Variants in EBF3 observed in about 807,000 individuals in gnomAD.
EBF3 encodes the protein EBF transcription factor 3.
Under a neutral mutation model 77.1 loss-of-function variants are expected in EBF3, and 18 were observed. That is an observed-to-expected ratio of 0.23 (90% CI 0.16 to 0.35). The LOEUF (loss-of-function observed/expected upper bound fraction) is 0.35. EBF3 is among the 10% of genes least tolerant of loss of function. The pLI is 1.00. For synonymous variants in EBF3, 350 were observed against 343.5 expected, an observed-to-expected ratio of 1.02 and a Z score of -0.21; for missense variants, 558 against 860.0, an observed-to-expected ratio of 0.65 and a Z score of 4.39.
chr10:129,860,363 T>C (rs1475444849), intron 10 of EBF3, among the ~76,000 whole-genome samples: 3 of 152,096 alleles, frequency 2.0e-5, no homozygotes, highest in Non-Finnish European at 4.4e-5. Flanking sequence ...TCTGCCATCC[T>C]CAACCCAACA....
chr10:129,913,007 C>A (rs927871614), intron 6 of EBF3, among the ~76,000 whole-genome samples: 5 of 152,194 alleles, frequency 3.3e-5, no homozygotes, highest in Non-Finnish European at 5.9e-5. Flanking sequence ...GGGGGAAGAG[C>A]AGCACAACTC....
At chr10:129,925,101 TGTGC>T (rs1564894748) in intron 6 of EBF3, among the ~76,000 whole-genome samples, 1 of 134,322 alleles carries the variant, frequency 7.4e-6, no homozygotes, top group African/African-American at 2.7e-5. Context: ...TGTGTGTGTG[TGTGC>T]GTGTGTACGG....
chr10:129,963,401 C>T lies in EBF3; in HGVS notation c.257G>A (p.Arg86Lys). ...CTCCACAAAGTCCACAAAAGCGGTC[C>T]TTTCAATCTCCACCGGCTGCCCCTG... ...DRQGQPVEIERTAFVDFVEKE... is the reference protein window; with the variant it reads ...DRQGQPVEIEKTAFVDFVEKE... Residue 86 changes from arginine (R) to lysine (K), a missense_variant, in exon 2 of 17, where the codon AGG (arginine) becomes AAG (lysine). By Grantham distance (26) the Arg-to-Lys change is conservative (BLOSUM62 2). Transcript: ENST00000440978. The surrounding 1 kb of genome is among the most constrained non-coding windows in gnomAD (Gnocchi z 7.1). 6.3e-7 allele frequency: 1 copy of T among 1,590,874 alleles called. No homozygotes were observed. The highest frequency in any genetic ancestry group is 8.6e-7 in the Non-Finnish European group (1 of 1,168,702).
intron 10 of EBF3, among the ~76,000 whole-genome samples, chr10:129,849,451 T>C (rs1481935611): frequency 6.6e-6 from 1 of 152,204 alleles, no homozygotes; most frequent in Non-Finnish European, 1.5e-5. Flanking sequence ...CATCACTCAT[T>C]AGTAATTTGA....
chr10:129,934,404 G>A (rs187112402), intron 6 of EBF3, among the ~76,000 whole-genome samples: 2 of 152,216 alleles, frequency 1.3e-5, no homozygotes, highest in Admixed American at 1.3e-4. Flanking sequence ...TCTGTCCCTT[G>A]CACATAGTAG....
At chr10:129,854,864 C>T (rs978371571) in intron 10 of EBF3, among the ~76,000 whole-genome samples, 1 of 152,262 alleles carries the variant, frequency 6.6e-6, no homozygotes, top group African/African-American at 2.4e-5. Context: ...GCCTTGCAGC[C>T]TCCGCGTCGT....
chr10:129,941,212 G>A (rs1166247709), intron 6 of EBF3, among the ~76,000 whole-genome samples: 3 of 152,184 alleles, frequency 2.0e-5, no homozygotes, highest in Non-Finnish European at 4.4e-5. Context: ...TTCAAGGGAC[G>A]AAAGAAACCC....
intron 6 of EBF3, among the ~76,000 whole-genome samples, chr10:129,905,160 A>C (rs1325766739): frequency 6.6e-6 from 1 of 152,162 alleles, no homozygotes; most frequent in African/African-American, 2.4e-5. Context: ...GACTCCAGGG[A>C]AAGTGTAGCT....
intron 6 of EBF3, among the ~76,000 whole-genome samples, chr10:129,942,096 C>T (rs1166332037): frequency 6.6e-6 from 1 of 152,238 alleles, no homozygotes; most frequent in African/African-American, 2.4e-5. Context: ...GCCTCACCCA[C>T]TCAGGGCACC....
chr10:129,913,817 G>A (rs1437737884), intron 6 of EBF3, among the ~76,000 whole-genome samples: 2 of 152,166 alleles, frequency 1.3e-5, no homozygotes, highest in East Asian at 1.9e-4. Context: ...GGCAGGACTC[G>A]GCCAGGCCAG....
At chr10:129,917,003 C>T (rs911261424) in intron 6 of EBF3, among the ~76,000 whole-genome samples, 1 of 152,172 alleles carries the variant, frequency 6.6e-6, no homozygotes, top group African/African-American at 2.4e-5. Flanking sequence ...AAAAGAGATC[C>T]ATTAATAATA....
chr10:129,853,525 A>G (rs1589709155), intron 10 of EBF3, among the ~76,000 whole-genome samples: 1 of 152,234 alleles, frequency 6.6e-6, no homozygotes, highest in Admixed American at 6.5e-5. Flanking sequence ...CATTAGCAAC[A>G]TAACTACATA....
intron 8 of EBF3, among the ~76,000 whole-genome samples, chr10:129,871,556 G>A (rs1408161810): frequency 6.6e-6 from 1 of 152,148 alleles, no homozygotes; most frequent in Non-Finnish European, 1.5e-5. Context: ...CTGATGTAGA[G>A]CCAGCCTCCC....
At chr10:129,900,515 G>A (rs1450116328) in intron 6 of EBF3, among the ~76,000 whole-genome samples, 2 of 152,218 alleles carry the variant, frequency 1.3e-5, no homozygotes, top group African/African-American at 4.8e-5. Context: ...TCCAGGGACA[G>A]AGGAGGCCTG....
At position 129,842,073 on chromosome 10, in the gene EBF3, G is replaced by C; in HGVS notation, c.1372+43C>G. On this transcript the variant is annotated intron_variant, in intron 13 of 16. Coordinates refer to ENST00000440978, the MANE Select transcript of EBF3 (RefSeq NM_001375380.1). This position sits in a 1 kb window ranked among gnomAD's most constrained non-coding sequence, Gnocchi z 4.4. ...TCAGCTAAGGCCTCAACCAACCCTC[G>C]GAGGGCGTTCAGGGCAGGGGTCCTC... 2 of 1,613,072 alleles carry C rather than the reference G, an allele frequency of 1.2e-6. No individual in the cohort carries two copies. Among genetic ancestry groups the C allele is most frequent in the Non-Finnish European group, 1.7e-6 (2 of 1,179,480 alleles).
At chr10:129,949,992 A>AGGAGGGT (rs1165019464) in intron 6 of EBF3, among the ~76,000 whole-genome samples, 18 of 81,810 alleles carry the variant, frequency 2.2e-4, no homozygotes, top group South Asian at 9.1e-4. Flanking sequence ...AAATATAGGC[A>AGGAGGGT]GGAGGGTGGA....
chr10:129,873,637 A>C (rs1377392432), intron 7 of EBF3, 41 bp from the exon 8 acceptor site: 1 of 1,464,970 alleles, frequency 6.8e-7, no homozygotes, highest in Admixed American at 2.4e-5. Context: ...ATTGGCAAAG[A>C]AAAGCAGAGC....
rs932126169 is a variant in EBF3, at chr10:129,837,026, CAA to C, written c.*915_*916del. The stretch of plus-strand genomic sequence containing the variant: ...TTTAGCTACAACTTTGGCAAAATCA[CAA>C]AAGTCTACAATTTTATAACCACATA... On this transcript the variant is annotated 3_prime_UTR_variant, in exon 17 of 17. Transcript: ENST00000440978. 1.3e-5 allele frequency: 2 copies of C among 152,530 alleles called. No homozygotes were observed. The highest frequency in any genetic ancestry group is 4.8e-5 in the African/African-American group (2 of 41,414). 9.4% of individuals were successfully genotyped at this position (152,530 alleles called of 1,614,324 possible). A position where few individuals can be genotyped will look rare whatever the true frequency, so the allele number is the denominator to read the frequency against.
chr10:129,871,409 A>T (rs1037094959), intron 8 of EBF3, among the ~76,000 whole-genome samples: 1 of 152,198 alleles, frequency 6.6e-6, no homozygotes, highest in Non-Finnish European at 1.5e-5. Flanking sequence ...GAATTCGTTT[A>T]CTTGGAAACC....
Sources: gnomAD v4.1 joint callset for allele counts (sites outside exome capture counted in the v4.1 genomes callset) on GRCh38, gnomAD v4.1.1 for gene constraint, Gnocchi (gnomAD v3.1) non-coding constraint, MANE v1.5 for transcripts, NCBI Gene and HGNC (gene_info 2026-07-23, HGNC 2026-07-21) for gene names.